Variants in LRBA observed in about 807,000 individuals in gnomAD.
The protein encoded by LRBA is lipopolysaccharide-responsive and beige-like anchor protein.
A neutral mutation model predicts 330.0 loss-of-function variants in LRBA; 176 were observed. The observed-to-expected ratio is 0.53, with a 90% CI of 0.47 to 0.60. LRBA has a LOEUF of 0.60. Ranked by LOEUF, LRBA falls within the 20% of genes least tolerant of loss-of-function variation. LRBA has a pLI of 0.00. For synonymous variants in LRBA, 1,230 were observed against 1,193.0 expected, an observed-to-expected ratio of 1.03 and a Z score of -0.64; for missense variants, 3,259 against 3,444.8, an observed-to-expected ratio of 0.95 and a Z score of 1.35.
At chr4:150,772,384 G>A (rs1051673999) in intron 34 of LRBA, among the ~76,000 whole-genome samples, 1 of 152,142 alleles carries the variant, frequency 6.6e-6, no homozygotes. Context: ...GAGGACCATA[G>A]GATATTTGGG....
intron 34 of LRBA, among the ~76,000 whole-genome samples, chr4:150,772,136 C>T (rs962625972): frequency 6.6e-6 from 1 of 152,130 alleles, no homozygotes; most frequent in Non-Finnish European, 1.5e-5. Context: ...AAAAAGTAAA[C>T]AATCAGGTAC....
At position 150,569,840 on chromosome 4, in the gene LRBA, C is replaced by T. The variant is rs115594929; in HGVS notation, c.6330+18208G>A. ...CCAGAATACCACAGAGAAAATTAAA[C>T]AAAGAAAAGAACTGACCTGTGTTAA... On this transcript the variant is annotated intron_variant, in intron 40 of 56. Coordinates refer to ENST00000651943, the MANE Select transcript of LRBA (RefSeq NM_001364905.1). Among the ~76,000 whole-genome samples the T allele has an allele frequency of 4.0e-3, 604 of 151,960 alleles. 3 individuals are homozygous for T. Among genetic ancestry groups the T allele is most frequent in the African/African-American group, 0.014 (587 of 41,464 alleles).
At chr4:150,840,105 G>A (rs992822567) in intron 28 of LRBA, among the ~76,000 whole-genome samples, 7 of 152,210 alleles carry the variant, frequency 4.6e-5, no homozygotes, top group South Asian at 2.1e-4. Context: ...ATTGAAGAGC[G>A]TTGGAGCCTT....
At chr4:150,494,340 A>T (rs1254402766) in intron 40 of LRBA, among the ~76,000 whole-genome samples, 1 of 152,178 alleles carries the variant, frequency 6.6e-6, no homozygotes, top group Non-Finnish European at 1.5e-5. Context: ...GAAAACAAAC[A>T]AAAAATATTT....
At chr4:150,366,026 T>A (rs188388462) in intron 47 of LRBA, among the ~76,000 whole-genome samples, 3 of 152,272 alleles carry the variant, frequency 2.0e-5, no homozygotes, top group Admixed American at 2.0e-4. Context: ...ATTCAAAATA[T>A]TGATTAGATT....
chr4:150,787,217 C>T (rs1243571125), intron 34 of LRBA, among the ~76,000 whole-genome samples: 1 of 147,990 alleles, frequency 6.8e-6, no homozygotes, highest in Admixed American at 6.7e-5. Flanking sequence ...CAGACTCCAT[C>T]TCAAAAAAAA....
chr4:150,266,958 G>A (rs1374694667), intron 56 of LRBA, among the ~76,000 whole-genome samples: 1 of 152,110 alleles, frequency 6.6e-6, no homozygotes, highest in Non-Finnish European at 1.5e-5. Flanking sequence ...ACTGTTACAA[G>A]AGACAAAGGA....
chr4:150,466,984 T>C (rs1281610961), intron 44 of LRBA, among the ~76,000 whole-genome samples: 6 of 152,018 alleles, frequency 3.9e-5, no homozygotes. Flanking sequence ...AAGAAACAGA[T>C]GATTCTGTAT....
At chr4:150,371,698 C>A (rs1298239371) in intron 47 of LRBA, among the ~76,000 whole-genome samples, 1 of 151,464 alleles carries the variant, frequency 6.6e-6, no homozygotes, top group East Asian at 1.9e-4. Flanking sequence ...TATTATATAA[C>A]TTATTTTATA....
At chr4:150,330,680 G>A (rs1459733508) in intron 48 of LRBA, among the ~76,000 whole-genome samples, 2 of 152,132 alleles carry the variant, frequency 1.3e-5, no homozygotes, top group Non-Finnish European at 2.9e-5. Context: ...AGCTCAGGCA[G>A]TAATGCTTGC....
intron 31 of LRBA, among the ~76,000 whole-genome samples, chr4:150,815,419 T>A (rs541526034): frequency 6.6e-6 from 1 of 151,582 alleles, no homozygotes; most frequent in Non-Finnish European, 1.5e-5. Flanking sequence ...TAGAGTTTCA[T>A]GCCCATTTTC....
intron 33 of LRBA, among the ~76,000 whole-genome samples, chr4:150,805,132 C>G (rs1466559974): frequency 6.8e-6 from 1 of 146,704 alleles, no homozygotes; most frequent in Non-Finnish European, 1.5e-5. Context: ...CTCTAATATT[C>G]GAAGGCACTC....
At chr4:150,986,944 T>C (rs534236297) in intron 2 of LRBA, among the ~76,000 whole-genome samples, 3 of 152,298 alleles carry the variant, frequency 2.0e-5, no homozygotes, top group Non-Finnish European at 2.9e-5. Flanking sequence ...AAAAAAATCA[T>C]AGGATATTCC....
rs1257685898 is a variant in LRBA, at chr4:150,471,669, C to T, written c.6622G>A (p.Glu2208Lys). The T allele has an allele frequency of 5.6e-6, 9 of 1,609,688 alleles. No homozygotes were observed. The highest frequency in any genetic ancestry group is 7.6e-6 in the Non-Finnish European group (9 of 1,178,580). The change falls in exon 43 of 57, where the codon GAG becomes AAG. Residue 2208 changes from glutamate (E) to lysine (K), a missense_variant. Glu to Lys is a moderately conservative substitution (Grantham distance 56). Transcript: ENST00000651943. ...SNMTQRWQHR[E>K]ISNFEYLMFL... ...ATCAAGTACTCAAAATTAGATATCT[C>T]TCTGTGTTGCCATCGCTGGGTCATA...
upstream of LRBA, chr4:151,015,721 G>C (rs1000494186): frequency 3.3e-5 from 5 of 151,914 alleles, no homozygotes; most frequent in Middle Eastern, 3.4e-3. Context: ...TGACAGCGCC[G>C]AGTGCTGCCG....
intron 42 of LRBA, among the ~76,000 whole-genome samples, chr4:150,480,202 C>A (rs1253207050): frequency 6.6e-6 from 1 of 152,074 alleles, no homozygotes; most frequent in Non-Finnish European, 1.5e-5. Flanking sequence ...GTAGTCCCAG[C>A]ATACAGGAGA....
At chr4:150,420,137 G>A (rs553909340) in intron 46 of LRBA, among the ~76,000 whole-genome samples, 8 of 150,332 alleles carry the variant, frequency 5.3e-5, no homozygotes, top group African/African-American at 1.7e-4. Context: ...CCAGCTATTC[G>A]AGAGATTGAT....
intron 17 of LRBA, among the ~76,000 whole-genome samples, chr4:150,891,070 A>T (rs1248205358): frequency 6.6e-6 from 1 of 152,224 alleles, no homozygotes; most frequent in African/African-American, 2.4e-5. Flanking sequence ...ATAAACCCTT[A>T]AATCTTTTTT....
intron 36 of LRBA, among the ~76,000 whole-genome samples, chr4:150,729,262 C>G (rs766956909): frequency 1.2e-4 from 19 of 152,140 alleles, no homozygotes; most frequent in Non-Finnish European, 2.5e-4. Flanking sequence ...TGCAGTGAGC[C>G]ATGACTGTCA....
Sources: allele counts gnomAD v4.1 joint callset (sites outside exome capture counted in the v4.1 genomes callset), GRCh38; gene constraint gnomAD v4.1.1; transcripts MANE v1.5; gene names NCBI Gene and HGNC (gene_info 2026-07-23, HGNC 2026-07-21).